The following RAI14 variants were observed in gnomAD, a reference collection of about 807,000 sequenced individuals.
RAI14 encodes the protein retinoic acid induced 14.
In RAI14, 45 loss-of-function variants were observed where a neutral mutation model predicts 115.4. The observed-to-expected ratio is 0.39, with a 90% confidence interval of 0.31 to 0.50. The LOEUF is 0.50. RAI14 is among the 20% of genes least tolerant of loss of function. The probability of loss-of-function intolerance (pLI) is 0.85; values close to 1 mark genes in which losing one functional copy is unlikely to be tolerated. For missense variants in RAI14, 939 were observed against 1,131.2 expected (o/e 0.83, Z 2.44); for synonymous variants, 371 against 415.4 (o/e 0.89, Z 1.30).
At chr5:34,658,723 G>T (rs879510360) in intron 1 of RAI14, among the ~76,000 whole-genome samples, 7 of 152,028 alleles carry the variant, frequency 4.6e-5, no homozygotes, top group Non-Finnish European at 8.8e-5. Flanking sequence ...GCTTGAACCC[G>T]GGAGGTGGAG....
intron 3 of RAI14, among the ~76,000 whole-genome samples, chr5:34,786,107 C>A (rs899032859): frequency 1.3e-5 from 2 of 152,200 alleles, no homozygotes; most frequent in African/African-American, 2.4e-5. Flanking sequence ...GAGGGAACGG[C>A]CTAAGCCAGA....
chr5:34,677,346 A>T (rs559545166), intron 1 of RAI14, among the ~76,000 whole-genome samples: 19 of 151,682 alleles, frequency 1.3e-4, no homozygotes, highest in African/African-American at 4.6e-4. Context: ...GTATTTTTAG[A>T]GGAGACGAGG....
chr5:34,693,301 C>T (rs1215149330), intron 2 of RAI14, among the ~76,000 whole-genome samples: 2 of 152,168 alleles, frequency 1.3e-5, no homozygotes, highest in Non-Finnish European at 2.9e-5. Context: ...CCTGGCATCC[C>T]CCCACTGAGC....
rs575450695 is a variant in RAI14, at chr5:34,757,297, T to G, written c.37-171T>G. ...TATGTTTTCTTTTGGGAAAGCGGCC[T>G]TCTTGGGTGTCTCCATGGTGAAGGG... On this transcript the variant is annotated intron_variant, in intron 2 of 17. Coordinates refer to ENST00000265109, the MANE Select transcript of RAI14 (RefSeq NM_015577.3). The G allele has an allele frequency of 1.3e-3, 940 of 750,666 alleles. 2 individuals carry two copies. The highest frequency in any genetic ancestry group is 3.5e-3 in the Middle Eastern group (15 of 4,332). 46.5% of individuals were successfully genotyped at this position (750,666 alleles called of 1,614,324 possible). A position where few individuals can be genotyped will look rare whatever the true frequency, so the allele number is the denominator to read the frequency against.
intron 2 of RAI14, among the ~76,000 whole-genome samples, chr5:34,701,602 C>T (rs1740079157): frequency 6.6e-6 from 1 of 152,284 alleles, no homozygotes; most frequent in Non-Finnish European, 1.5e-5. Flanking sequence ...GAAGGCTGCT[C>T]CCCCGCCCGC....
At chr5:34,657,112 C>G (rs1472014065) in intron 1 of RAI14, 1 of 152,372 alleles carries the variant, frequency 6.6e-6, no homozygotes, top group African/African-American at 2.4e-5. Flanking sequence ...CCTTGTTTTC[C>G]CCGCCGCAGC....
intron 1 of RAI14, among the ~76,000 whole-genome samples, chr5:34,668,131 C>T (rs1028430481): frequency 1.3e-5 from 2 of 152,080 alleles, no homozygotes; most frequent in Non-Finnish European, 2.9e-5. Flanking sequence ...GGTGGACTCA[C>T]GCGTATAATC....
chr5:34,663,519 AAAAT>A (rs1374278850), intron 1 of RAI14, among the ~76,000 whole-genome samples: 1 of 152,230 alleles, frequency 6.6e-6, no homozygotes, highest in East Asian at 1.9e-4. Context: ...CCTGTCTAAA[AAAAT>A]AAATAAATAC....
chr5:34,724,661 A>C (rs755008023), intron 2 of RAI14, among the ~76,000 whole-genome samples: 3 of 152,166 alleles, frequency 2.0e-5, no homozygotes, highest in Non-Finnish European at 2.9e-5. Flanking sequence ...GGAAAAAAGG[A>C]TGCTGCTTCA....
intron 2 of RAI14, among the ~76,000 whole-genome samples, chr5:34,729,360 A>G (rs962332182): frequency 6.6e-6 from 1 of 152,132 alleles, no homozygotes; most frequent in Non-Finnish European, 1.5e-5. Flanking sequence ...ACACACACAC[A>G]CAAGCTGAAG....
intron 2 of RAI14, among the ~76,000 whole-genome samples, chr5:34,703,212 T>C (rs1240533066): frequency 2.0e-5 from 3 of 152,070 alleles, no homozygotes; most frequent in Middle Eastern, 3.2e-3. Context: ...GTTACAAAAT[T>C]GTACATTACA....
chr5:34,758,190 C>G (rs528386827), intron 3 of RAI14, among the ~76,000 whole-genome samples: 175 of 152,312 alleles, frequency 1.1e-3, no homozygotes, highest in African/African-American at 4.0e-3. Flanking sequence ...GGAACTCTAT[C>G]ACTTACGAGT....
intron 3 of RAI14, among the ~76,000 whole-genome samples, chr5:34,775,107 A>G (rs1750675674): frequency 6.6e-6 from 1 of 152,206 alleles, no homozygotes; most frequent in Admixed American, 6.5e-5. Context: ...TGCCATATAC[A>G]AAAACCAAAA....
intron 2 of RAI14, among the ~76,000 whole-genome samples, chr5:34,698,318 A>C (rs1739592204): frequency 6.6e-6 from 1 of 151,284 alleles, no homozygotes; most frequent in South Asian, 2.1e-4. Context: ...TCTGGCACAA[A>C]GAAACTTCTC....
intron 2 of RAI14, among the ~76,000 whole-genome samples, chr5:34,717,934 G>A (rs1283745308): frequency 6.6e-6 from 1 of 150,696 alleles, no homozygotes; most frequent in African/African-American, 2.5e-5. Context: ...TTCCAACCCT[G>A]CTCTTAAGCT....
intron 2 of RAI14, among the ~76,000 whole-genome samples, chr5:34,719,032 AC>A (rs1488329523): frequency 6.6e-6 from 1 of 152,230 alleles, no homozygotes; most frequent in Non-Finnish European, 1.5e-5. Context: ...AATGACTACT[AC>A]TTTTAGTGGC....
Position 34,697,167 on chromosome 5 carries a change from T to G in RAI14, c.36+10212T>G, listed in dbSNP as rs562611348. The stretch of plus-strand genomic sequence containing the variant: ...ATAATAATAAAAAGGCCAAGTGCGG[T>G]GGCTCACGCCTGTAATCCCAGCACT... On this transcript the variant is annotated intron_variant, in intron 2 of 17. Transcript: ENST00000265109. Among the ~76,000 whole-genome samples, 59 of 151,646 alleles carry G rather than the reference T, an allele frequency of 3.9e-4. 2 individuals are homozygous for G. In the South Asian group the frequency reaches 0.012, roughly 30 times the overall value.
intron 4 of RAI14, among the ~76,000 whole-genome samples, chr5:34,799,622 T>C (rs538440179): frequency 2.0e-4 from 30 of 152,034 alleles, no homozygotes; most frequent in African/African-American, 7.2e-4. Context: ...GTCAAATTGG[T>C]ATAATTTCCT....
chr5:34,668,899 C>T (rs748959985), intron 1 of RAI14, among the ~76,000 whole-genome samples: 12 of 152,070 alleles, frequency 7.9e-5, no homozygotes, highest in Non-Finnish European at 1.5e-4. Context: ...GCTCTGTCCC[C>T]AGGCCAGAGT....
Sources: allele counts gnomAD v4.1 joint callset (sites outside exome capture counted in the v4.1 genomes callset), GRCh38; gene constraint gnomAD v4.1.1; transcripts MANE v1.5; gene names NCBI Gene and HGNC (gene_info 2026-07-23, HGNC 2026-07-21).